PDE4D: variants seen among roughly 807,000 people sequenced by gnomAD.
PDE4D encodes 3',5'-cyclic-AMP phosphodiesterase 4D.
Under a neutral mutation model 87.4 loss-of-function variants are expected in PDE4D, and 24 were observed. The ratio of observed to expected loss-of-function variants is 0.27; its 90% CI spans 0.20 to 0.39. PDE4D has a LOEUF of 0.39. Ranked by LOEUF, PDE4D falls within the 10% of genes least tolerant of loss-of-function variation. The pLI is 1.00. For synonymous variants in PDE4D, 384 were observed against 383.2 expected, an observed-to-expected ratio of 1.00 and a Z score of -0.02; for missense variants, 714 against 1,041.0, an observed-to-expected ratio of 0.69 and a Z score of 4.32.
At chr5:59,525,058 T>A (rs1460025067) in intron 1 of PDE4D, among the ~76,000 whole-genome samples, 3 of 152,036 alleles carry the variant, frequency 2.0e-5, no homozygotes, top group Non-Finnish European at 4.4e-5. Flanking sequence ...CACACAGAAT[T>A]CCCACTGGGG....
chr5:60,228,794 A>C (rs1222292835), intron 1 of PDE4D, among the ~76,000 whole-genome samples: 1 of 152,118 alleles, frequency 6.6e-6, no homozygotes, highest in Non-Finnish European at 1.5e-5. Context: ...CCCAGAAACT[A>C]TACAGAGAGC....
In PDE4D at chr5:58,989,731, T is replaced by C. The variant is rs749758383; in HGVS notation, c.1452+24A>G. 5.8e-6 allele frequency: 9 copies of C among 1,543,000 alleles called. No homozygotes were observed. The African/African-American group carries it at 6.9e-5, about 12-fold the overall frequency. ...CTTTATGAGTGGCAAGTTAGTGTTC[T>C]TGAAATTTCAGAAACAGATTTACCT... On this transcript the variant is annotated intron_variant, in intron 10 of 14. Coordinates refer to ENST00000340635, the MANE Select transcript of PDE4D (RefSeq NM_001104631.2).
intron 2 of PDE4D, among the ~76,000 whole-genome samples, chr5:60,123,435 G>C (rs775748563): frequency 3.3e-5 from 5 of 152,114 alleles, no homozygotes; most frequent in Non-Finnish European, 5.9e-5. Context: ...CACGTCAGTG[G>C]CAAGAGAAAA....
chr5:59,762,816 T>C (rs1414618983), intron 1 of PDE4D, among the ~76,000 whole-genome samples: 1 of 137,698 alleles, frequency 7.3e-6, no homozygotes, highest in Non-Finnish European at 1.5e-5. Flanking sequence ...ACAACTCTAT[T>C]CCTATACTAC....
intron 1 of PDE4D, among the ~76,000 whole-genome samples, chr5:59,349,387 A>G (rs944190125): frequency 3.9e-5 from 6 of 152,100 alleles, no homozygotes; most frequent in African/African-American, 1.2e-4. Context: ...GTACCAAGGT[A>G]AAGTGTATAG....
At chr5:59,836,647 T>TATC (rs1554095518) in intron 1 of PDE4D, among the ~76,000 whole-genome samples, 10 of 151,648 alleles carry the variant, frequency 6.6e-5, no homozygotes, top group Middle Eastern at 3.4e-3. Flanking sequence ...TCTATCTATC[T>TATC]ATCTATCTAT....
Position 59,085,236 on chromosome 5 carries a change from A to C in PDE4D, c.809-46265T>G, listed in dbSNP as rs548280650. Among the ~76,000 whole-genome samples the C allele has an allele frequency of 3.9e-5, 6 of 152,264 alleles. No homozygotes were observed. In the South Asian group the frequency reaches 1.2e-3, roughly 32 times the overall value. On this transcript the variant is annotated intron_variant, in intron 5 of 14. Transcript: ENST00000340635. ...ATGCCATTAAAATGTTATATAGAGAATTGTATTTAATGGTAAGAAAAGTGT... is the reference window on the plus strand; with the variant it reads ...ATGCCATTAAAATGTTATATAGAGACTTGTATTTAATGGTAAGAAAAGTGT...
intron 2 of PDE4D, among the ~76,000 whole-genome samples, chr5:60,041,645 C>T (rs1043142442): frequency 2.0e-5 from 3 of 152,120 alleles, no homozygotes; most frequent in Admixed American, 1.3e-4. Context: ...GTACAGACCA[C>T]GGCGTGTGAG....
At chr5:59,449,692 T>G (rs1393053198) in intron 1 of PDE4D, among the ~76,000 whole-genome samples, 1 of 152,068 alleles carries the variant, frequency 6.6e-6, no homozygotes, top group South Asian at 2.1e-4. Flanking sequence ...CTAACATTGG[T>G]TAAATTATGT....
At chr5:60,337,351 CTATATATATATATA>C (rs748923956) in intron 1 of PDE4D, among the ~76,000 whole-genome samples, 12 of 62,230 alleles carry the variant, frequency 1.9e-4, no homozygotes, top group Non-Finnish European at 2.7e-4. Context: ...AACAAACAAA[CTATATATATATATA>C]TATATATATA....
At chr5:60,291,831 G>A (rs1395194603) in intron 1 of PDE4D, among the ~76,000 whole-genome samples, 1 of 152,102 alleles carries the variant, frequency 6.6e-6, no homozygotes, top group Non-Finnish European at 1.5e-5. Flanking sequence ...TCTATTCTAA[G>A]TAAATAATCC....
intron 1 of PDE4D, among the ~76,000 whole-genome samples, chr5:60,255,552 C>G (rs1489112501): frequency 6.6e-6 from 1 of 151,844 alleles, no homozygotes; most frequent in Non-Finnish European, 1.5e-5. Context: ...TAACCTAGGG[C>G]AACTCACATC....
intron 1 of PDE4D, among the ~76,000 whole-genome samples, chr5:60,456,901 A>AT (rs1369494225): frequency 6.6e-6 from 1 of 151,874 alleles, no homozygotes; most frequent in East Asian, 1.9e-4. Flanking sequence ...CTACCACCTG[A>AT]TTTTTTTTCT....
rs1231253857 is a variant in PDE4D, at chr5:60,344,703, C to T, written c.-90+143239G>A. Among the ~76,000 whole-genome samples the T allele has an allele frequency of 4.6e-5, 7 of 152,196 alleles. 1 individual carries two copies. The highest frequency in any genetic ancestry group is 4.1e-4 in the South Asian group (2 of 4,822). On this transcript the variant is annotated intron_variant, in intron 1 of 16. Coordinates refer to the PDE4D transcript ENST00000502484. ...GAGATAAATAGTTTAAACACACACACGCAAACAGATGAATTTACTCAATTT... is the reference window on the plus strand; with the variant it reads ...GAGATAAATAGTTTAAACACACACATGCAAACAGATGAATTTACTCAATTT...
intron 1 of PDE4D, among the ~76,000 whole-genome samples, chr5:59,598,989 A>C (rs546052700): frequency 6.6e-6 from 1 of 152,222 alleles, no homozygotes; most frequent in South Asian, 2.1e-4. Flanking sequence ...TTGAATGCAC[A>C]TCTCTTTTGG....
intron 1 of PDE4D, among the ~76,000 whole-genome samples, chr5:59,313,770 C>T (rs556507273): frequency 6.6e-6 from 1 of 152,272 alleles, no homozygotes; most frequent in African/African-American, 2.4e-5. Context: ...GTGTACCCAC[C>T]CAGGTCCTTA....
intron 2 of PDE4D, among the ~76,000 whole-genome samples, chr5:60,103,558 T>C (rs570622864): frequency 1.6e-4 from 25 of 152,332 alleles, no homozygotes; most frequent in Admixed American, 2.6e-4. Context: ...AGAATTTATA[T>C]AACTATGAAT....
chr5:60,173,150 C>T (rs889094172), intron 2 of PDE4D, among the ~76,000 whole-genome samples: 1 of 151,990 alleles, frequency 6.6e-6, no homozygotes, highest in Non-Finnish European at 1.5e-5. Flanking sequence ...TAAGTGATGC[C>T]TACAGTTACA....
intron 2 of PDE4D, among the ~76,000 whole-genome samples, chr5:60,138,135 C>T (rs7732670): frequency 0.65 from 99,478 of 151,992 alleles, 33,216 homozygotes; most frequent in Middle Eastern, 0.7. Context: ...TTCTTTTTCT[C>T]TGGTCTATGT....
Sources: gnomAD v4.1 joint callset for allele counts (sites outside exome capture counted in the v4.1 genomes callset) on GRCh38, gnomAD v4.1.1 for gene constraint, MANE v1.5 for transcripts, NCBI Gene and HGNC (gene_info 2026-07-23, HGNC 2026-07-21) for gene names.